The following SPMAP2 variants were observed in gnomAD, a reference collection of about 807,000 sequenced individuals.
SPMAP2 encodes sperm microtubule associated protein 2.
chr19:361,759 G>A, the SPMAP2 span: 2 of 94,374 alleles, frequency 2.1e-5, 1 homozygote, highest in Non-Finnish European at 4.3e-5. Flanking sequence ...ACGGTCCCGT[G>A]GGCCCTCAGC....
At chr19:375,070 G>T in the SPMAP2 span, among the ~76,000 whole-genome samples, 7 of 152,142 alleles carry the variant, frequency 4.6e-5, no homozygotes, top group African/African-American at 1.2e-4. Context: ...AAGGGGGCAG[G>T]TCGGGCACGT....
At chr19:366,996 GA>G in the SPMAP2 span, 1 of 1,518,342 alleles carries the variant, frequency 6.6e-7, no homozygotes, top group South Asian at 1.2e-5. Flanking sequence ...GCTCTAGGCA[GA>G]GGTATAAGGT....
At chr19:370,183 G>A in the SPMAP2 span, among the ~76,000 whole-genome samples, 3 of 152,234 alleles carry the variant, frequency 2.0e-5, no homozygotes, top group Middle Eastern at 3.4e-3. Context: ...GCTCAATCCC[G>A]GCCCAGAGAA....
the SPMAP2 span, among the ~76,000 whole-genome samples, chr19:365,316 G>C: frequency 3.3e-5 from 5 of 152,214 alleles, no homozygotes; most frequent in African/African-American, 1.2e-4. Context: ...CCAAGCAGTG[G>C]GGCCCTGGTG....
the SPMAP2 span, chr19:371,173 G>T: frequency 1.5e-6 from 2 of 1,302,836 alleles, no homozygotes; most frequent in East Asian, 5.5e-5. Flanking sequence ...CCGCCTGGCG[G>T]GGGTGAGTCG....
At chr19:374,886 C>T in the SPMAP2 span, among the ~76,000 whole-genome samples, 1 of 152,350 alleles carries the variant, frequency 6.6e-6, no homozygotes, top group East Asian at 1.9e-4. Context: ...ATGCCAAATG[C>T]CAGGATATCT....
chr19:373,565 CAG>C, the SPMAP2 span: 1 of 1,605,734 alleles, frequency 6.2e-7, no homozygotes, highest in Non-Finnish European at 8.5e-7. Context: ...GCAAGGGAGG[CAG>C]AGAGCCCTGG....
the SPMAP2 span, among the ~76,000 whole-genome samples, chr19:364,714 G>A: frequency 6.6e-6 from 1 of 152,058 alleles, no homozygotes; most frequent in Non-Finnish European, 1.5e-5. Context: ...TTGCTCCCTG[G>A]TGGCTGTCCC....
chr19:374,128 C>T, the SPMAP2 span: 270 of 1,449,676 alleles, frequency 1.9e-4, no homozygotes, highest in Non-Finnish European at 2.4e-4. Flanking sequence ...CTAGCCACTC[C>T]CAGTGTCTGG....
At chr19:374,135 C>A in the SPMAP2 span, 1 of 1,450,918 alleles carries the variant, frequency 6.9e-7, no homozygotes, top group Non-Finnish European at 9.5e-7. Flanking sequence ...CTCCCAGTGT[C>A]TGGCCACCTC....
the SPMAP2 span, among the ~76,000 whole-genome samples, chr19:364,119 G>T: frequency 2.1e-4 from 31 of 150,944 alleles, no homozygotes; most frequent in Non-Finnish European, 3.4e-4. Context: ...GGATCACAAG[G>T]TCAGGAGATC....
the SPMAP2 span, chr19:373,914 C>A: frequency 6.2e-7 from 1 of 1,608,630 alleles, no homozygotes; most frequent in East Asian, 2.2e-5. Context: ...AGCATAGGCA[C>A]ACGGCGGAGA....
the SPMAP2 span, chr19:374,090 TGGCCACCGCCCAGAG>T: frequency 6.5e-7 from 1 of 1,531,860 alleles, no homozygotes; most frequent in Non-Finnish European, 8.9e-7. Flanking sequence ...CACTCTCCTT[TGGCCACCGCCCAGAG>T]GGCCACCGTT....
the SPMAP2 span, chr19:374,341 T>A: frequency 6.2e-7 from 1 of 1,614,118 alleles, no homozygotes; most frequent in Admixed American, 1.7e-5. Flanking sequence ...CTCTGCCAGC[T>A]CCATGAGCCT....
the SPMAP2 span, chr19:362,178 G>T: frequency 6.9e-7 from 1 of 1,457,318 alleles, no homozygotes; most frequent in Non-Finnish European, 9.1e-7. Flanking sequence ...GTGCCTGAGG[G>T]TGTTTACTGG....
chr19:362,300 C>A, the SPMAP2 span: 5 of 1,608,300 alleles, frequency 3.1e-6, no homozygotes, highest in Non-Finnish European at 4.2e-6. Context: ...CTCGTTGAGG[C>A]CCTTGCGCAC....
chr19:362,089 C>T, the SPMAP2 span: 1 of 699,072 alleles, frequency 1.4e-6, no homozygotes, highest in Non-Finnish European at 2.2e-6. Flanking sequence ...TTGTCCTCCT[C>T]ATCCTTCTTT....
chr19:371,229 G>A, the SPMAP2 span: 1 of 1,492,656 alleles, frequency 6.7e-7, no homozygotes, highest in South Asian at 1.4e-5. Context: ...TGCTCCAGAA[G>A]TTATCACGAA....
chr19:370,347 G>GTTT, the SPMAP2 span, among the ~76,000 whole-genome samples: 1,693 of 146,806 alleles, frequency 0.012, 43 homozygotes, highest in African/African-American at 0.039. Context: ...TCACAGTTTT[G>GTTT]TTTTTTTTTT....
Sources: gnomAD v4.1 joint callset for allele counts (sites outside exome capture counted in the v4.1 genomes callset) on GRCh38, gnomAD v4.1.1 for gene constraint, MANE v1.5 for transcripts, NCBI Gene and HGNC (gene_info 2026-07-23, HGNC 2026-07-21) for gene names.